ADAMTSL1: variants seen among roughly 807,000 people sequenced by gnomAD.
ADAMTSL1 encodes ADAMTS like 1.
Under a neutral mutation model 201.8 loss-of-function variants are expected in ADAMTSL1, and 126 were observed. The ratio of observed to expected loss-of-function variants is 0.62; its 90% CI spans 0.54 to 0.72. The LOEUF is 0.72. Ranked by LOEUF, ADAMTSL1 falls within the 30% of genes least tolerant of loss-of-function variation. The probability of loss-of-function intolerance (pLI) is 0.00; values close to 1 mark genes in which losing one functional copy is unlikely to be tolerated. For missense variants in ADAMTSL1, 2,679 were observed against 2,277.8 expected (o/e 1.18, Z -3.59); for synonymous variants, 1,121 against 903.4 (o/e 1.24, Z -4.32).
At chr9:18,711,399 C>T (rs549782615) in intron 14 of ADAMTSL1, among the ~76,000 whole-genome samples, 229 of 152,288 alleles carry the variant, frequency 1.5e-3, no homozygotes, top group African/African-American at 3.4e-3. Context: ...ACACCGTGCG[C>T]GAGCCGAAGC....
chr9:18,640,935 C>T (rs1306906730), intron 7 of ADAMTSL1, among the ~76,000 whole-genome samples: 1 of 152,046 alleles, frequency 6.6e-6, no homozygotes, highest in African/African-American at 2.4e-5. Flanking sequence ...CTTTCCTAAT[C>T]CTTCATAACC....
chr9:18,387,238 G>T (rs1274909669), intron 2 of ADAMTSL1, among the ~76,000 whole-genome samples: 1 of 151,998 alleles, frequency 6.6e-6, no homozygotes, highest in Non-Finnish European at 1.5e-5. Flanking sequence ...AAAATGTGAA[G>T]AAAACATATA....
intron 2 of ADAMTSL1, among the ~76,000 whole-genome samples, chr9:18,232,334 T>A (rs1830674212): frequency 6.6e-6 from 1 of 152,168 alleles, no homozygotes; most frequent in African/African-American, 2.4e-5. Context: ...GGCACCTTCT[T>A]TGACAGGTCA....
At chr9:18,439,718 G>A (rs1431965738) in intron 2 of ADAMTSL1, among the ~76,000 whole-genome samples, 1 of 152,182 alleles carries the variant, frequency 6.6e-6, no homozygotes, top group Non-Finnish European at 1.5e-5. Context: ...GTTCACTGCT[G>A]TATTCTCAGA....
intron 2 of ADAMTSL1, among the ~76,000 whole-genome samples, chr9:18,410,398 C>T (rs921599945): frequency 2.0e-5 from 3 of 152,076 alleles, no homozygotes; most frequent in Admixed American, 6.6e-5. Context: ...CAACAGGTGC[C>T]CAGTGTGTGT....
intron 2 of ADAMTSL1, among the ~76,000 whole-genome samples, chr9:18,341,111 T>A (rs975175429): frequency 4.6e-5 from 7 of 152,070 alleles, no homozygotes; most frequent in African/African-American, 1.7e-4. Flanking sequence ...ACAAAATTGA[T>A]CATTCTAGTC....
At chr9:17,938,895 T>C (rs1403836503) in intron 1 of ADAMTSL1, among the ~76,000 whole-genome samples, 2 of 152,180 alleles carry the variant, frequency 1.3e-5, no homozygotes, top group Non-Finnish European at 2.9e-5. Flanking sequence ...CATCTTAAGC[T>C]GGACATAGAG....
chr9:18,259,890 G>T (rs1311002525), intron 2 of ADAMTSL1, among the ~76,000 whole-genome samples: 1 of 152,110 alleles, frequency 6.6e-6, no homozygotes. Context: ...CACAATTATG[G>T]TTGTTTCCTA....
At chr9:18,614,992 T>C (rs944400373) in intron 4 of ADAMTSL1, among the ~76,000 whole-genome samples, 4 of 152,148 alleles carry the variant, frequency 2.6e-5, no homozygotes, top group African/African-American at 9.7e-5. Flanking sequence ...CTAAAAGACC[T>C]GAGTTTGCAA....
intron 5 of ADAMTSL1, among the ~76,000 whole-genome samples, chr9:18,631,612 C>A (rs1156304637): frequency 6.6e-6 from 1 of 152,196 alleles, no homozygotes; most frequent in Non-Finnish European, 1.5e-5. Flanking sequence ...ATAGGAAATT[C>A]TGTCTTTCAA....
At chr9:18,289,713 C>T (rs73643220) in intron 2 of ADAMTSL1, among the ~76,000 whole-genome samples, 9,169 of 152,198 alleles carry the variant, frequency 0.06, 930 homozygotes, top group African/African-American at 0.21. Flanking sequence ...TTTTCCTGAG[C>T]TCTTTCCTCA....
chr9:18,168,513 T>C (rs2132113207), intron 2 of ADAMTSL1, among the ~76,000 whole-genome samples: 1 of 152,078 alleles, frequency 6.6e-6, no homozygotes, highest in African/African-American at 2.4e-5. Context: ...ATTTTCTTAA[T>C]CCAGTCTATC....
chr9:18,312,654 G>T (rs933122771), intron 2 of ADAMTSL1, among the ~76,000 whole-genome samples: 1 of 152,170 alleles, frequency 6.6e-6, no homozygotes, highest in East Asian at 1.9e-4. Context: ...CTAGAAATGT[G>T]TAAGCTGGGA....
chr9:18,199,146 T>G (rs1031074888), intron 2 of ADAMTSL1, among the ~76,000 whole-genome samples: 2 of 151,222 alleles, frequency 1.3e-5, no homozygotes, highest in Non-Finnish European at 2.9e-5. Flanking sequence ...CATTGGAAGA[T>G]ATACCTAATG....
intron 1 of ADAMTSL1, among the ~76,000 whole-genome samples, chr9:18,496,176 C>G (rs1822525092): frequency 2.0e-5 from 3 of 152,160 alleles, no homozygotes; most frequent in African/African-American, 7.2e-5. Context: ...TATACTGACT[C>G]TTTGTAAACT....
intron 4 of ADAMTSL1, among the ~76,000 whole-genome samples, chr9:18,588,888 T>TATATATATATATATACATATACATATAC (rs1554710725): frequency 4.3e-5 from 5 of 115,110 alleles, no homozygotes; most frequent in Admixed American, 9.8e-5. Context: ...CATATACATA[T>TATATATATATATATACATATACATATAC]ATATATATAT....
At position 18,410,843 on chromosome 9, in the gene ADAMTSL1, C is replaced by CT. The variant is rs1371481573; in HGVS notation, c.208-93984dup. Among the ~76,000 whole-genome samples, 150 of 110,672 alleles carry CT rather than the reference C, an allele frequency of 1.4e-3. 3 individuals are homozygous for CT. The highest frequency in any genetic ancestry group is 4.0e-3 in the African/African-American group (113 of 28,506). 72.6% of individuals were successfully genotyped at this position (110,672 alleles called of 152,430 possible). On this transcript the variant is annotated intron_variant, in intron 2 of 29. Transcript: ENST00000680146. ...CGACTGGTAGATTTTCTGTCTTCTT[C>CT]TTCTTTTTTTTTTTTTTTAGACACA...
chr9:18,116,079 G>A (rs1366797043), intron 1 of ADAMTSL1, among the ~76,000 whole-genome samples: 1 of 152,122 alleles, frequency 6.6e-6, no homozygotes, highest in Non-Finnish European at 1.5e-5. Context: ...GAGACCGTGG[G>A]TAATGTGACA....
At chr9:18,889,784 C>T (rs1206388972) in intron 25 of ADAMTSL1, 36 bp downstream of exon 25, 4 of 1,425,468 alleles carry the variant, frequency 2.8e-6, no homozygotes, top group Non-Finnish European at 3.7e-6. Context: ...ACCTCCCCAC[C>T]CTAGGAGGAG....
Sources: gnomAD v4.1 joint callset for allele counts (sites outside exome capture counted in the v4.1 genomes callset) on GRCh38, gnomAD v4.1.1 for gene constraint, MANE v1.5 for transcripts, NCBI Gene and HGNC (gene_info 2026-07-23, HGNC 2026-07-21) for gene names.